Variants in CCDC88C observed in about 807,000 individuals in gnomAD.
CCDC88C encodes coiled-coil and HOOK domain protein 88C.
CCDC88C carries 131 observed loss-of-function variants against 198.8 expected under a neutral mutation model. The ratio of observed to expected loss-of-function variants is 0.66; its 90% CI spans 0.57 to 0.76. The LOEUF (loss-of-function observed/expected upper bound fraction) is 0.76. Among genes scored for constraint, CCDC88C ranks in the 30% least tolerant of loss-of-function variants. The probability of loss-of-function intolerance (pLI) is 0.00; values close to 1 mark genes in which losing one functional copy is unlikely to be tolerated. For synonymous variants in CCDC88C, 1,166 were observed against 1,114.7 expected (o/e 1.05, Z -0.92); for missense variants, 2,553 against 2,631.6 (o/e 0.97, Z 0.65).
intron 3 of CCDC88C, chr14:91,378,648 T>C (rs1046743789): frequency 2.4e-4 from 37 of 152,448 alleles, no homozygotes; most frequent in African/African-American, 8.9e-4. Context: ...TGCTCTTTTT[T>C]ATGTAGTTTT....
intron 3 of CCDC88C, among the ~76,000 whole-genome samples, chr14:91,401,787 T>C (rs1322848833): frequency 6.6e-6 from 1 of 152,228 alleles, no homozygotes; most frequent in Non-Finnish European, 1.5e-5. Flanking sequence ...CAACGTATTA[T>C]TACTCCTAAA....
intron 2 of CCDC88C, among the ~76,000 whole-genome samples, chr14:91,412,767 C>T (rs1886855419): frequency 6.6e-6 from 1 of 152,106 alleles, no homozygotes; most frequent in African/African-American, 2.4e-5. Context: ...TCAAAGCCCC[C>T]ATGTGTCATA....
chr14:91,294,404 A>G (rs1890907883), intron 22 of CCDC88C, 86 bp from the exon 23 acceptor site: 1 of 1,478,292 alleles, frequency 6.8e-7, no homozygotes, highest in South Asian at 1.2e-5. Context: ...GAAGAAGGCC[A>G]CTGCACAAAG....
chr14:91,302,280 TA>T (rs1469782895), intron 20 of CCDC88C, among the ~76,000 whole-genome samples: 4 of 152,196 alleles, frequency 2.6e-5, no homozygotes, highest in Admixed American at 2.6e-4. Context: ...CTCCAAAGGA[TA>T]TACCATCAGC....
intron 10 of CCDC88C, among the ~76,000 whole-genome samples, chr14:91,327,710 C>A (rs2139835855): frequency 6.6e-6 from 1 of 152,278 alleles, no homozygotes; most frequent in African/African-American, 2.4e-5. Context: ...CAATGACGGG[C>A]TTCAAAGCAG....
chr14:91,273,622 C>T lies in CCDC88C; in HGVS notation c.5090G>A (p.Ser1697Asn), dbSNP rs373485982. The change falls in exon 30 of 30, where the codon AGT becomes AAT. Residue 1697 changes from serine to asparagine, a missense_variant. By Grantham distance (46) the Ser-to-Asn change is conservative. Transcript: ENST00000389857. This position sits in a 1 kb window ranked among gnomAD's most constrained non-coding sequence, Gnocchi z 5.6. ...ATCGCTGGCCTTTCGGAAGTAGTCA[C>T]TCAGCAGGTCATCCCGGCAACTGGG... is the stretch of plus-strand genomic sequence containing the variant. ...DTPSCRDDLL[S>N]DYFRKASDPP... The T allele has an allele frequency of 8.1e-5, 120 of 1,485,462 alleles. No homozygotes were observed. Among genetic ancestry groups the T allele is most frequent in the Admixed American group, 2.2e-4 (9 of 41,336 alleles). The allele number at this position is 1,485,462 out of a possible 1,614,324, so 92.0% of individuals were successfully genotyped here. A position where few individuals can be genotyped will look rare whatever the true frequency, so the allele number is the denominator to read the frequency against.
At position 91,359,160 on chromosome 14, in the gene CCDC88C, CT is replaced by C. The variant is rs950112450; in HGVS notation, c.340+481del. 1.6e-3 allele frequency among the ~76,000 whole-genome samples: 176 copies of C among 108,662 alleles called. 1 individual carries two copies. Among genetic ancestry groups the C allele is most frequent in the African/African-American group, 3.4e-3 (96 of 28,282 alleles). 71.3% of individuals were successfully genotyped at this position (108,662 alleles called of 152,430 possible). A position where few individuals can be genotyped will look rare whatever the true frequency, so the allele number is the denominator to read the frequency against. On this transcript the variant is annotated intron_variant, in intron 4 of 29. Transcript: ENST00000389857. ...ATCTGAGCGGTTGGGAGGCTTCATT[CT>C]TTTTTTTTTTTTTTTTTTTTTGAGA...
chr14:91,324,091 G>A (rs1459187529), intron 12 of CCDC88C, among the ~76,000 whole-genome samples: 3 of 152,262 alleles, frequency 2.0e-5, no homozygotes, highest in African/African-American at 4.8e-5. Context: ...CGGGAACGGT[G>A]AGCGTGTGCT....
intron 26 of CCDC88C, 116 bp downstream of exon 26, chr14:91,283,213 A>G (rs140616642): frequency 0.017 from 18,179 of 1,058,588 alleles, 218 homozygotes; most frequent in Middle Eastern, 0.026. Context: ...TCACCCCTCT[A>G]CTCACCACCT....
chr14:91,358,247 A>G (rs888546295), intron 4 of CCDC88C, among the ~76,000 whole-genome samples: 3 of 152,228 alleles, frequency 2.0e-5, no homozygotes, highest in Middle Eastern at 3.2e-3. Flanking sequence ...CTACTGTCAT[A>G]CGGACAGGAG....
chr14:91,377,406 G>A (rs1226886271), intron 3 of CCDC88C, among the ~76,000 whole-genome samples: 3 of 152,134 alleles, frequency 2.0e-5, no homozygotes, highest in Non-Finnish European at 2.9e-5. Flanking sequence ...GTCGGCAGGC[G>A]CGGTTATTCA....
chr14:91,309,743 G>T, intron 16 of CCDC88C, 116 bp downstream of exon 16: 1 of 1,117,986 alleles, frequency 8.9e-7, no homozygotes, highest in Non-Finnish European at 1.2e-6. Context: ...ACCGCGTGAG[G>T]TCACAGCCCT....
chr14:91,286,956 T>C (rs771598314), intron 25 of CCDC88C, among the ~76,000 whole-genome samples: 6 of 152,084 alleles, frequency 3.9e-5, no homozygotes, highest in Non-Finnish European at 5.9e-5. Context: ...GCACATAAAG[T>C]AGTTAGAGGG....
chr14:91,281,012 G>A, intron 27 of CCDC88C: 1 of 377,306 alleles, frequency 2.7e-6, no homozygotes, highest in South Asian at 2.0e-5. Flanking sequence ...ACTGTTTACT[G>A]TCTCCCTTCT....
chr14:91,285,622 G>A (rs768291046), intron 25 of CCDC88C: 13 of 1,246,212 alleles, frequency 1.0e-5, no homozygotes, highest in Admixed American at 5.8e-5. Flanking sequence ...TTTGAATTTC[G>A]GAAATGAAGG....
At chr14:91,303,602 G>T in intron 20 of CCDC88C, 99 bp downstream of exon 20, 1 of 1,271,176 alleles carries the variant, frequency 7.9e-7, no homozygotes, top group Non-Finnish European at 1.1e-6. Context: ...TCTCCCCTAG[G>T]TCCCACCCAT....
At position 91,311,428 on chromosome 14, in the gene CCDC88C, T is replaced by C. The variant is rs1310200386; in HGVS notation, c.2737-1442A>G. ...GTGGCACCCTGTGGTTGGGTGTGGC[T>C]GTGCTGCTGAGCCCCACCCATGCAG... On this transcript the variant is annotated intron_variant, in intron 15 of 29. Coordinates refer to ENST00000389857, the MANE Select transcript of CCDC88C (RefSeq NM_001080414.4). 2.6e-5 allele frequency among the ~76,000 whole-genome samples: 4 copies of C among 152,330 alleles called. No individual in the cohort carries two copies. In the East Asian group the frequency reaches 7.7e-4, roughly 29 times the overall value.
At chr14:91,329,617 A>G (rs865919198) in intron 10 of CCDC88C, among the ~76,000 whole-genome samples, 1 of 152,260 alleles carries the variant, frequency 6.6e-6, no homozygotes, top group South Asian at 2.1e-4. Context: ...GTCTGGAGGC[A>G]GACAGTCATT....
intron 3 of CCDC88C, among the ~76,000 whole-genome samples, chr14:91,396,635 G>C (rs149483443): frequency 6.6e-6 from 1 of 152,076 alleles, no homozygotes; most frequent in Admixed American, 6.6e-5. Flanking sequence ...TAATTTTTCC[G>C]GAAGCACAAA....
Sources: gnomAD v4.1 joint callset for allele counts (sites outside exome capture counted in the v4.1 genomes callset) on GRCh38, gnomAD v4.1.1 for gene constraint, Gnocchi (gnomAD v3.1) non-coding constraint, MANE v1.5 for transcripts, NCBI Gene and HGNC (gene_info 2026-07-23, HGNC 2026-07-21) for gene names.